The following MYO3B variants were observed in gnomAD, a reference collection of about 807,000 sequenced individuals.
The protein encoded by MYO3B is myosin-IIIb.
A neutral mutation model predicts 174.6 loss-of-function variants in MYO3B; 156 were observed. That is an observed-to-expected ratio of 0.89 (90% CI 0.78 to 1.02). The LOEUF (loss-of-function observed/expected upper bound fraction) is 1.02, where lower values mean the gene tolerates loss of function less well. Among genes scored for constraint, MYO3B ranks in the 50% least tolerant of loss-of-function variants. MYO3B has a pLI of 0.00. For missense variants in MYO3B, 1,632 were observed against 1,639.4 expected (o/e 1.00, Z 0.08); for synonymous variants, 563 against 569.1 (o/e 0.99, Z 0.15).
At position 170,499,920 on chromosome 2, in the gene MYO3B, CCCCT is replaced by C. The variant is rs375093507; in HGVS notation, c.3289+125_3289+128del. 2.2e-4 allele frequency: 163 copies of C among 743,484 alleles called. No homozygotes were observed. In the African/African-American group the frequency reaches 2.3e-3, roughly 10 times the overall value. The allele number at this position is 743,484 out of a possible 1,614,324, so 46.1% of individuals were successfully genotyped here. A position where few individuals can be genotyped will look rare whatever the true frequency, so the allele number is the denominator to read the frequency against. On this transcript the variant is annotated intron_variant, in intron 27 of 34. Transcript: ENST00000408978. The stretch of plus-strand genomic sequence containing the variant: ...TGGTTTCCCTCCCTCCCTTCCTTCT[CCCCT>C]CCCTCCCTCCCTTCCTTCCTTCCTT...
chr2:170,324,790 C>G (rs1476520116), intron 7 of MYO3B, among the ~76,000 whole-genome samples: 1 of 152,228 alleles, frequency 6.6e-6, no homozygotes, highest in Non-Finnish European at 1.5e-5. Flanking sequence ...AAAGAACGCT[C>G]TTGCAGGTTT....
chr2:170,627,160 T>C (rs1275180645), intron 32 of MYO3B, among the ~76,000 whole-genome samples: 1 of 152,220 alleles, frequency 6.6e-6, no homozygotes, highest in East Asian at 1.9e-4. Flanking sequence ...CCAGCTTGGT[T>C]CCATTCTCCC....
chr2:170,467,107 C>T (rs11680017), intron 25 of MYO3B, among the ~76,000 whole-genome samples: 70,719 of 152,008 alleles, frequency 0.47, 19,404 homozygotes, highest in Non-Finnish European at 0.61. Flanking sequence ...TTACATAACA[C>T]CTGAAGTATC....
At chr2:170,270,233 G>A (rs1039002380) in intron 7 of MYO3B, among the ~76,000 whole-genome samples, 2 of 152,056 alleles carry the variant, frequency 1.3e-5, no homozygotes, top group Admixed American at 1.3e-4. Context: ...TATTACTTGT[G>A]TTAAAAAGGG....
chr2:170,257,697 C>T (rs2093315947), intron 7 of MYO3B, among the ~76,000 whole-genome samples: 1 of 151,714 alleles, frequency 6.6e-6, no homozygotes, highest in African/African-American at 2.4e-5. Context: ...AAGAACGAAC[C>T]CCAGAGCTAG....
Position 170,312,971 on chromosome 2 carries a change from G to T in MYO3B, c.750-22414G>T, listed in dbSNP as rs78172785. Among the ~76,000 whole-genome samples, 381 of 152,216 alleles carry T rather than the reference G, an allele frequency of 2.5e-3. 2 individuals are homozygous for T. The highest frequency in any genetic ancestry group is 9.0e-3 in the African/African-American group (373 of 41,522). On this transcript the variant is annotated intron_variant, in intron 7 of 34. Transcript: ENST00000408978. ...TATATTTCATTTGTGATATAATCAT[G>T]GTGTTTTATTTTCTTAACCATTATG... is the stretch of plus-strand genomic sequence containing the variant.
chr2:170,519,498 C>T lies in MYO3B; in HGVS notation c.3533C>T (p.Thr1178Ile), dbSNP rs2106139392. The T allele has an allele frequency of 6.2e-7, 1 of 1,613,950 alleles. No individual in the cohort carries two copies. The highest frequency in any genetic ancestry group is 8.5e-7 in the Non-Finnish European group (1 of 1,179,920). The change falls in exon 30 of 35, where the codon ACA becomes ATA. Residue 1178 changes from threonine (T) to isoleucine (I), a missense_variant. Coordinates refer to ENST00000408978, the MANE Select transcript of MYO3B (RefSeq NM_138995.5). ...HSQAESNNGR[T>I]QTSSNSPAVT... Reference sequence around the variant, plus strand: ...CAAGCAGAATCCAACAATGGCCGTACACAGACTTCAAGCAACTCTCCTGCT... The same window carrying T: ...CAAGCAGAATCCAACAATGGCCGTATACAGACTTCAAGCAACTCTCCTGCT...
rs754817781 is a variant in MYO3B, at chr2:170,387,198, G to A, written c.1467G>A (p.Ser489=). ...GNSCTAINDN[S]SRFGKYLEMM... Reference sequence around the variant, plus strand: ...CATGCACTGCCATCAATGACAACTCGAGCCGTTTTGGAAAATATCTGGAAA... The same window carrying A: ...CATGCACTGCCATCAATGACAACTCAAGCCGTTTTGGAAAATATCTGGAAA... The change falls in exon 14 of 35, where the codon TCG becomes TCA. Residue 489 remains serine (S), a synonymous_variant. Transcript: ENST00000408978. The A allele has an allele frequency of 1.7e-5, 28 of 1,613,990 alleles. No homozygotes were observed. Among genetic ancestry groups the A allele is most frequent in the Admixed American group, 5.0e-5 (3 of 59,986 alleles).
intron 23 of MYO3B, among the ~76,000 whole-genome samples, chr2:170,450,964 T>A (rs1264725259): frequency 6.6e-6 from 1 of 152,240 alleles, no homozygotes; most frequent in Non-Finnish European, 1.5e-5. Context: ...ACTTCCTTTA[T>A]CAGATCAACC....
chr2:170,308,895 G>A (rs146523635), intron 7 of MYO3B, among the ~76,000 whole-genome samples: 1 of 152,204 alleles, frequency 6.6e-6, no homozygotes, highest in African/African-American at 2.4e-5. Context: ...TGAAAATGAG[G>A]GAAACATGTA....
At chr2:170,187,326 G>T (rs1189283002) in intron 1 of MYO3B, among the ~76,000 whole-genome samples, 2 of 151,928 alleles carry the variant, frequency 1.3e-5, no homozygotes, top group South Asian at 4.2e-4. Flanking sequence ...TCTGCCTCCT[G>T]GGTTCAAGTG....
intron 32 of MYO3B, among the ~76,000 whole-genome samples, chr2:170,634,890 G>A (rs1697332183): frequency 6.6e-6 from 1 of 152,112 alleles, no homozygotes; most frequent in African/African-American, 2.4e-5. Context: ...GGTCATCAGT[G>A]AAATGCAAAT....
intron 23 of MYO3B, among the ~76,000 whole-genome samples, chr2:170,449,637 C>T (rs969852492): frequency 1.1e-4 from 17 of 151,886 alleles, no homozygotes; most frequent in South Asian, 2.1e-4. Context: ...ATTAGCTGGG[C>T]GTGGTGGTAC....
intron 32 of MYO3B, among the ~76,000 whole-genome samples, chr2:170,578,161 A>G (rs919312199): frequency 3.9e-5 from 6 of 152,226 alleles, no homozygotes. Flanking sequence ...GAAGGGGCAT[A>G]TGCTCTCCCC....
At chr2:170,502,676 G>A (rs1263813465) in intron 28 of MYO3B, among the ~76,000 whole-genome samples, 14 of 152,156 alleles carry the variant, frequency 9.2e-5, no homozygotes, top group Non-Finnish European at 1.5e-5. Flanking sequence ...GAAGAAACAG[G>A]CCCCTGAGCT....
At chr2:170,556,526 CT>C (rs113099769) in intron 32 of MYO3B, among the ~76,000 whole-genome samples, 92 of 147,456 alleles carry the variant, frequency 6.2e-4, no homozygotes, top group Non-Finnish European at 6.0e-4. Context: ...TGGATTTTTA[CT>C]TTTTTTTTTT....
intron 7 of MYO3B, among the ~76,000 whole-genome samples, chr2:170,252,066 AG>A (rs1256874994): frequency 6.6e-6 from 1 of 152,188 alleles, no homozygotes; most frequent in African/African-American, 2.4e-5. Context: ...GATCTGGCAT[AG>A]TTCACCGTTC....
intron 9 of MYO3B, among the ~76,000 whole-genome samples, chr2:170,372,118 CAAAAAAAAAAAAAAAAA>C (rs769243145): frequency 9.0e-5 from 2 of 22,216 alleles, no homozygotes; most frequent in African/African-American, 2.5e-4. Flanking sequence ...GACCCTGTCT[CAAAAAAAAAAAAAAAAA>C]AAAAAAAAAA....
intron 32 of MYO3B, among the ~76,000 whole-genome samples, chr2:170,564,705 C>G (rs929172152): frequency 6.6e-6 from 1 of 151,700 alleles, no homozygotes; most frequent in African/African-American, 2.4e-5. Flanking sequence ...TCCAACAATT[C>G]GCTCAGAATC....
Sources: allele counts gnomAD v4.1 joint callset (sites outside exome capture counted in the v4.1 genomes callset), GRCh38; gene constraint gnomAD v4.1.1; transcripts MANE v1.5; gene names NCBI Gene and HGNC (gene_info 2026-07-23, HGNC 2026-07-21).